Variants in SATB1 observed in about 807,000 individuals in gnomAD.
SATB1 encodes the protein SATB homeobox 1.
A neutral mutation model predicts 86.9 loss-of-function variants in SATB1; 11 were observed. That is an observed-to-expected ratio of 0.13 (90% CI 0.08 to 0.21). SATB1 has a LOEUF of 0.21. Among genes scored for constraint, SATB1 ranks in the 10% least tolerant of loss-of-function variants. The pLI, the probability that SATB1 is intolerant of heterozygous loss-of-function variation, is 1.00. For synonymous variants in SATB1, 357 were observed against 357.2 expected (o/e 1.00, Z 0.01); for missense variants, 551 against 937.6 (o/e 0.59, Z 5.39).
At chr3:18,351,442 TA>T (rs1694357529) in intron 10 of SATB1, 1 of 1,458,588 alleles carries the variant, frequency 6.9e-7, no homozygotes, top group Admixed American at 2.0e-5. Flanking sequence ...GACTCACCCC[TA>T]ACCTACATTC....
chr3:18,373,834 T>G (rs1243451635), intron 9 of SATB1, among the ~76,000 whole-genome samples: 1 of 150,986 alleles, frequency 6.6e-6, no homozygotes, highest in African/African-American at 2.5e-5. Flanking sequence ...GAAATGCTCT[T>G]TATTTATATT....
At chr3:18,423,176 T>A (rs1698479340) in intron 1 of SATB1, among the ~76,000 whole-genome samples, 1 of 152,220 alleles carries the variant, frequency 6.6e-6, no homozygotes, top group African/African-American at 2.4e-5. Context: ...GATGCCAGGC[T>A]GAAGAGTTTC....
intron 2 of SATB1, among the ~76,000 whole-genome samples, chr3:18,431,299 T>G (rs985766327): frequency 7.9e-5 from 12 of 152,172 alleles, no homozygotes; most frequent in Admixed American, 7.2e-4. Flanking sequence ...TTTCCCCTTG[T>G]CAGTCCGAAG....
rs78293973 is a variant in SATB1 at position 18,378,179 on chromosome 3, G to A, written c.1566C>T (p.Thr522=). The stretch of plus-strand genomic sequence containing the variant: ...TAACAGAGGCTCTTACCTGGCTTTT[G>A]GTTGCTGCAACCTTTGCAAACAGTG... The part of the protein sequence containing the change: ...SQALFAKVAA[T]KSQGWLCELL... Residue 522 remains threonine (T), a synonymous_variant, in exon 9 of 11, where the codon ACC becomes ACT. Transcript: ENST00000338745. 12 of 1,574,390 alleles carry A rather than the reference G, an allele frequency of 7.6e-6. No individual in the cohort carries two copies. In the African/African-American group the frequency reaches 1.5e-4, roughly 20 times the overall value.
chr3:18,381,915 C>T (rs1050946146), intron 8 of SATB1, among the ~76,000 whole-genome samples: 1 of 152,110 alleles, frequency 6.6e-6, no homozygotes, highest in Non-Finnish European at 1.5e-5. Context: ...CTTCCAGGAA[C>T]AGTATTATTT....
intron 9 of SATB1, among the ~76,000 whole-genome samples, chr3:18,359,422 C>T (rs1019410823): frequency 1.3e-4 from 20 of 151,930 alleles, no homozygotes; most frequent in Non-Finnish European, 5.9e-5. Context: ...AAATTCTAGA[C>T]AACCCACTAA....
upstream of SATB1, among the ~76,000 whole-genome samples, chr3:18,429,086 T>C (rs1460814583): frequency 1.3e-5 from 2 of 152,198 alleles, no homozygotes; most frequent in African/African-American, 2.4e-5. The surrounding 1 kb of genome is among the most constrained non-coding windows in gnomAD (Gnocchi z 4.1). Context: ...AGCATATTGC[T>C]CTTTTTGTCG....
At chr3:18,420,204 TTTC>T (rs1360245546) in intron 2 of SATB1, among the ~76,000 whole-genome samples, 10 of 152,194 alleles carry the variant, frequency 6.6e-5, no homozygotes, top group Admixed American at 5.9e-4. Context: ...AAATCTGTTC[TTTC>T]TTCATCAAAA....
chr3:18,365,996 T>C (rs1695165064), intron 9 of SATB1, among the ~76,000 whole-genome samples: 1 of 152,208 alleles, frequency 6.6e-6, no homozygotes, highest in Non-Finnish European at 1.5e-5. Flanking sequence ...GAATGTATAT[T>C]TTATTTACAA....
At chr3:18,376,813 C>T (rs1284085140) in intron 9 of SATB1, among the ~76,000 whole-genome samples, 1 of 152,126 alleles carries the variant, frequency 6.6e-6, no homozygotes, top group Non-Finnish European at 1.5e-5. Flanking sequence ...TGATGTATGA[C>T]ACGCTGAGTA....
In SATB1 at chr3:18,349,005, G is replaced by C; in HGVS notation, c.*165C>G. 1 of 1,128,092 alleles carries C rather than the reference G, an allele frequency of 8.9e-7. No homozygotes were observed. The highest frequency in any genetic ancestry group is 1.2e-6 in the Non-Finnish European group (1 of 816,424). 69.9% of individuals were successfully genotyped at this position (1,128,092 alleles called of 1,614,324 possible). A position where few individuals can be genotyped will look rare whatever the true frequency, so the allele number is the denominator to read the frequency against. On this transcript the variant is annotated 3_prime_UTR_variant, in exon 11 of 11. Coordinates refer to ENST00000338745, the MANE Select transcript of SATB1 (RefSeq NM_002971.6). This position sits in a 1 kb window ranked among gnomAD's most constrained non-coding sequence, Gnocchi z 5.5. ...TTTGTAAAACAGAGGAAAACATTTAGTGCAGTCTGTATTATCCTTTTCCAA... is the reference window on the plus strand; with the variant it reads ...TTTGTAAAACAGAGGAAAACATTTACTGCAGTCTGTATTATCCTTTTCCAA...
At chr3:18,431,065 A>G (rs903268638) in intron 2 of SATB1, among the ~76,000 whole-genome samples, 6 of 152,200 alleles carry the variant, frequency 3.9e-5, no homozygotes, top group Non-Finnish European at 8.8e-5. Context: ...GGATGTCAGT[A>G]TGGATCACTT....
chr3:18,425,643 A>G (rs1245948906), upstream of SATB1, among the ~76,000 whole-genome samples: 3 of 151,516 alleles, frequency 2.0e-5, no homozygotes, highest in East Asian at 5.9e-4. Flanking sequence ...GACATTTATT[A>G]CACACAATAC....
At chr3:18,435,351 T>C (rs1699023655) in intron 2 of SATB1, 1 of 152,156 alleles carries the variant, frequency 6.6e-6, no homozygotes, top group South Asian at 2.1e-4. Flanking sequence ...CTAATCTCTA[T>C]GTGTCATTAT....
intron 9 of SATB1, among the ~76,000 whole-genome samples, chr3:18,363,061 C>T (rs1694999342): frequency 1.3e-5 from 2 of 152,012 alleles, no homozygotes; most frequent in African/African-American, 4.8e-5. Context: ...GCATGTATAT[C>T]CTAAAATGAG....
intron 10 of SATB1, chr3:18,351,272 C>T: frequency 9.4e-6 from 14 of 1,496,770 alleles, no homozygotes; most frequent in South Asian, 1.2e-5. Context: ...GTCACCCCCT[C>T]TCTGTGTCCC....
At chr3:18,362,585 A>G (rs1017443989) in intron 9 of SATB1, among the ~76,000 whole-genome samples, 1 of 152,036 alleles carries the variant, frequency 6.6e-6, no homozygotes. Flanking sequence ...TGAGCTCAGC[A>G]TAATAGGTTT....
intron 9 of SATB1, among the ~76,000 whole-genome samples, chr3:18,365,644 G>A (rs781183786): frequency 3.9e-5 from 6 of 152,154 alleles, no homozygotes; most frequent in Non-Finnish European, 5.9e-5. Flanking sequence ...ATGGTAAGGG[G>A]GGAGACAGGT....
chr3:18,427,232 T>C (rs1698736910), upstream of SATB1, among the ~76,000 whole-genome samples: 1 of 152,200 alleles, frequency 6.6e-6, no homozygotes, highest in Admixed American at 6.5e-5. Context: ...ATTTGAAATT[T>C]CCAATATGGA....
Sources: allele counts gnomAD v4.1 joint callset (sites outside exome capture counted in the v4.1 genomes callset), GRCh38; gene constraint gnomAD v4.1.1; non-coding constraint Gnocchi (gnomAD v3.1); transcripts MANE v1.5; gene names NCBI Gene and HGNC (gene_info 2026-07-23, HGNC 2026-07-21).